The following MTMR7 variants were observed in gnomAD, a reference collection of about 807,000 sequenced individuals.
MTMR7 encodes myotubularin related protein 7, also known as phosphatidylinositol-3-phosphate phosphatase MTMR7.
MTMR7 carries 76 observed loss-of-function variants against 81.2 expected under a neutral mutation model. That is an observed-to-expected ratio of 0.94 (90% CI 0.78 to 1.13). MTMR7 has a LOEUF of 1.13. Ranked by LOEUF, MTMR7 falls within the 50% of genes most tolerant of loss-of-function variation. MTMR7 has a pLI of 0.00. For missense variants in MTMR7, 1,044 were observed against 820.0 expected, an observed-to-expected ratio of 1.27 and a Z score of -3.34; for synonymous variants, 372 against 289.8, an observed-to-expected ratio of 1.28 and a Z score of -2.88.
chr8:17,315,235 T>C (rs1049105286), intron 7 of MTMR7, among the ~76,000 whole-genome samples: 8 of 152,244 alleles, frequency 5.3e-5, no homozygotes, highest in African/African-American at 1.4e-4. Context: ...AAGCCAACTT[T>C]TCCTTGAAAA....
At chr8:17,365,900 C>A (rs1298283464) in intron 3 of MTMR7, among the ~76,000 whole-genome samples, 3 of 152,056 alleles carry the variant, frequency 2.0e-5, no homozygotes, top group African/African-American at 7.2e-5. Context: ...CTAGGAAGAC[C>A]AAATCAGTGT....
intron 1 of MTMR7, among the ~76,000 whole-genome samples, chr8:17,410,876 C>T (rs1821718584): frequency 6.6e-6 from 1 of 152,164 alleles, no homozygotes; most frequent in South Asian, 2.1e-4. Flanking sequence ...TAAAACTCTA[C>T]TACCCACACA....
Position 17,297,274 on chromosome 8 carries a change from C to A in MTMR7, c.*2588G>T, listed in dbSNP as rs1816735773. ...CTTAAAATAGAAGAAAATTCTAAAT[C>A]AATCAATCAGTGAGATATAAACTAA... is the stretch of plus-strand genomic sequence containing the variant. On this transcript the variant is annotated 3_prime_UTR_variant, in exon 14 of 14. Coordinates refer to ENST00000180173, the MANE Select transcript of MTMR7 (RefSeq NM_004686.5). 6.6e-6 allele frequency: 1 copy of A among 151,970 alleles called. No individual in the cohort carries two copies. The highest frequency in any genetic ancestry group is 1.5e-5 in the Non-Finnish European group (1 of 67,926). The allele number at this position is 151,970 out of a possible 1,614,324, so 9.4% of individuals were successfully genotyped here.
At chr8:17,392,505 A>C (rs1016969006) in intron 1 of MTMR7, among the ~76,000 whole-genome samples, 2 of 152,242 alleles carry the variant, frequency 1.3e-5, no homozygotes, top group African/African-American at 4.8e-5. Flanking sequence ...CTAAAAAGCC[A>C]AAGTGTGTTT....
intron 4 of MTMR7, among the ~76,000 whole-genome samples, chr8:17,355,348 T>C (rs1319776881): frequency 6.6e-6 from 1 of 152,186 alleles, no homozygotes; most frequent in Admixed American, 6.6e-5. Context: ...TTATGGTTGT[T>C]AAATTTAAGT....
intron 6 of MTMR7, among the ~76,000 whole-genome samples, chr8:17,334,783 G>A (rs1165153087): frequency 1.3e-5 from 2 of 152,234 alleles, no homozygotes; most frequent in East Asian, 3.8e-4. Context: ...AGCAACGGGA[G>A]AGACAGTGAC....
rs554956485 is a variant in MTMR7, at chr8:17,389,957, A to C, written c.25-16717T>G. Among the ~76,000 whole-genome samples the C allele has an allele frequency of 4.6e-5, 7 of 152,196 alleles. No homozygotes were observed. In the South Asian group the frequency reaches 1.5e-3, roughly 32 times the overall value. ...TTATTGTGCACCTTTACTCTGTACC[A>C]GACATAGAGTGTTCTGAGTGCTGGG... On this transcript the variant is annotated intron_variant, in intron 1 of 13. Transcript: ENST00000180173.
At chr8:17,345,173 TC>T (rs1224650100) in intron 5 of MTMR7, among the ~76,000 whole-genome samples, 3 of 152,214 alleles carry the variant, frequency 2.0e-5, no homozygotes, top group Non-Finnish European at 4.4e-5. Context: ...ATGTGTTGCT[TC>T]GACATCTGGT....
At chr8:17,347,148 T>C (rs1045959212) in intron 5 of MTMR7, among the ~76,000 whole-genome samples, 27 of 151,156 alleles carry the variant, frequency 1.8e-4, no homozygotes, top group Non-Finnish European at 3.8e-4. Context: ...TGAGCCAAGA[T>C]TGTGCCACTG....
Position 17,340,619 on chromosome 8 carries a change from C to G in MTMR7, c.732+744G>C, listed in dbSNP as rs541291704. Among the ~76,000 whole-genome samples the G allele has an allele frequency of 2.6e-5, 4 of 152,246 alleles. No individual in the cohort carries two copies. The East Asian group carries it at 7.7e-4, about 29-fold the overall frequency. ...CTCCTTAAAAACAAAAAAGTTAAGGCTGAGTGGGAGGTAAGTGTAAGATCA... is the reference window on the plus strand; with the variant it reads ...CTCCTTAAAAACAAAAAAGTTAAGGGTGAGTGGGAGGTAAGTGTAAGATCA... On this transcript the variant is annotated intron_variant, in intron 6 of 13. Transcript: ENST00000180173.
intron 4 of MTMR7, among the ~76,000 whole-genome samples, chr8:17,358,698 C>T (rs1009577191): frequency 6.6e-6 from 1 of 152,032 alleles, no homozygotes; most frequent in African/African-American, 2.4e-5. Flanking sequence ...TAGAAACTAA[C>T]AAATACTGAT....
intron 10 of MTMR7, among the ~76,000 whole-genome samples, chr8:17,307,916 T>C (rs1163384802): frequency 2.0e-5 from 3 of 151,742 alleles, no homozygotes; most frequent in Admixed American, 1.3e-4. Context: ...AGGGATAGCA[T>C]TAGGAGATAT....
At chr8:17,351,620 C>T (rs1463537542) in intron 4 of MTMR7, among the ~76,000 whole-genome samples, 2 of 152,236 alleles carry the variant, frequency 1.3e-5, no homozygotes, top group African/African-American at 4.8e-5. Flanking sequence ...AGGCTTGCAT[C>T]AGATGTGGAG....
chr8:17,319,257 A>AT (rs539171794), intron 7 of MTMR7, among the ~76,000 whole-genome samples: 25 of 152,318 alleles, frequency 1.6e-4, no homozygotes, highest in Admixed American at 3.3e-4. Flanking sequence ...TAAAATGGGG[A>AT]TAAAAACACC....
At chr8:17,324,660 C>A (rs1563333508) in intron 7 of MTMR7, among the ~76,000 whole-genome samples, 1 of 152,218 alleles carries the variant, frequency 6.6e-6, no homozygotes, top group Non-Finnish European at 1.5e-5. Context: ...TGAAGCCTAA[C>A]AGGCTGCTGG....
rs778676152 is a variant in MTMR7, at chr8:17,400,572, G to T, written c.24+12697C>A. 4.6e-5 allele frequency among the ~76,000 whole-genome samples: 7 copies of T among 152,166 alleles called. No individual in the cohort carries two copies. In the East Asian group the frequency reaches 1.2e-3, roughly 25 times the overall value. On this transcript the variant is annotated intron_variant, in intron 1 of 13. Coordinates refer to ENST00000180173, the MANE Select transcript of MTMR7 (RefSeq NM_004686.5). ...ATGGGCTACCTCTACATTATCAAGC[G>T]TTACCCTTGGTTTTTCTTGTCGTTG...
chr8:17,318,451 G>C (rs1308569684), intron 7 of MTMR7, among the ~76,000 whole-genome samples: 5 of 152,248 alleles, frequency 3.3e-5, no homozygotes, highest in Non-Finnish European at 7.4e-5. Context: ...CGATATGATA[G>C]AACAGTCATC....
intron 7 of MTMR7, among the ~76,000 whole-genome samples, chr8:17,329,042 C>G (rs1818850357): frequency 6.6e-6 from 1 of 152,188 alleles, no homozygotes; most frequent in African/African-American, 2.4e-5. Flanking sequence ...AGAACGCAAA[C>G]AATTTTACTT....
chr8:17,375,292 T>C (rs561530022), intron 1 of MTMR7, among the ~76,000 whole-genome samples: 3 of 152,170 alleles, frequency 2.0e-5, no homozygotes, highest in African/African-American at 7.2e-5. Context: ...GGAGTAGCTC[T>C]AGAGGGTCCC....
Sources: gnomAD v4.1 joint callset for allele counts (sites outside exome capture counted in the v4.1 genomes callset) on GRCh38, gnomAD v4.1.1 for gene constraint, MANE v1.5 for transcripts, NCBI Gene and HGNC (gene_info 2026-07-23, HGNC 2026-07-21) for gene names.